PALD1: variants seen among roughly 807,000 people sequenced by gnomAD.
PALD1 encodes paladin.
Under a neutral mutation model 96.0 loss-of-function variants are expected in PALD1, and 57 were observed. That is an observed-to-expected ratio of 0.59 (90% CI 0.48 to 0.74). The LOEUF (loss-of-function observed/expected upper bound fraction) is 0.74, where lower values mean the gene tolerates loss of function less well. PALD1 is among the 30% of genes least tolerant of loss of function. PALD1 has a pLI of 0.00. For synonymous variants in PALD1, 464 were observed against 473.6 expected, an observed-to-expected ratio of 0.98 and a Z score of 0.26; for missense variants, 1,063 against 1,143.7, an observed-to-expected ratio of 0.93 and a Z score of 1.02.
intron 1 of PALD1, among the ~76,000 whole-genome samples, chr10:70,489,004 C>T (rs756580258): frequency 3.9e-5 from 6 of 152,052 alleles, no homozygotes; most frequent in Non-Finnish European, 8.8e-5. Context: ...ACTTGGCTGC[C>T]GCTGGTGGGG....
chr10:70,555,122 C>G (rs1345077433), intron 18 of PALD1, among the ~76,000 whole-genome samples: 1 of 146,896 alleles, frequency 6.8e-6, no homozygotes, highest in Non-Finnish European at 1.5e-5. Context: ...CAGGTGCCTG[C>G]CACCACCACT....
At chr10:70,515,510 G>A (rs1846602802) in intron 1 of PALD1, among the ~76,000 whole-genome samples, 1 of 152,252 alleles carries the variant, frequency 6.6e-6, no homozygotes, top group Non-Finnish European at 1.5e-5. Context: ...TGGCGCCTGG[G>A]CGAGGCCCCT....
intron 1 of PALD1, among the ~76,000 whole-genome samples, chr10:70,493,395 G>A (rs544231613): frequency 1.3e-5 from 2 of 152,360 alleles, no homozygotes; most frequent in East Asian, 1.9e-4. Flanking sequence ...TGGGCTCTGC[G>A]GACAGTGATG....
chr10:70,478,633 C>T (rs1277590348), upstream of PALD1, among the ~76,000 whole-genome samples: 3 of 152,174 alleles, frequency 2.0e-5, no homozygotes, highest in Admixed American at 1.3e-4. Context: ...GCCCGCGTTC[C>T]TCCCGCCCGG....
At chr10:70,502,097 G>A (rs1846310946) in intron 1 of PALD1, among the ~76,000 whole-genome samples, 1 of 150,000 alleles carries the variant, frequency 6.7e-6, no homozygotes, top group African/African-American at 2.5e-5. Context: ...CCAGGAGTTC[G>A]AGACCAACCT....
At chr10:70,477,591 A>G (rs775270823), upstream of PALD1, among the ~76,000 whole-genome samples, 12 of 152,218 alleles carry the variant, frequency 7.9e-5, no homozygotes, top group Non-Finnish European at 1.8e-4. Context: ...TACCGACCTT[A>G]TAACTTCGCG....
intron 1 of PALD1, among the ~76,000 whole-genome samples, chr10:70,513,488 C>T (rs1039192539): frequency 2.0e-5 from 3 of 151,984 alleles, no homozygotes; most frequent in Admixed American, 1.3e-4. Flanking sequence ...CCAGCCTGGG[C>T]GACACAGTGA....
intron 1 of PALD1, among the ~76,000 whole-genome samples, chr10:70,521,723 G>A (rs1846740161): frequency 1.3e-5 from 2 of 151,744 alleles, no homozygotes; most frequent in Non-Finnish European, 2.9e-5. Flanking sequence ...TAGTAGAGAC[G>A]GGGTTTCACC....
the PALD1 span, among the ~76,000 whole-genome samples, chr10:70,464,212 C>CTTT: frequency 9.4e-3 from 1,251 of 132,824 alleles, 33 homozygotes; most frequent in Non-Finnish European, 0.014. Flanking sequence ...TTGTATCTGG[C>CTTT]TTTTTTTTTT....
rs201422138 is a variant in PALD1, at chr10:70,529,220, C to G, written c.186-9C>G. On this transcript the variant is annotated splice_polypyrimidine_tract_variant and intron_variant, in intron 2 of 19. Coordinates refer to ENST00000263563, the MANE Select transcript of PALD1 (RefSeq NM_014431.3). ...CAGTTTCCATTCTGCCCCCCCCCCC[C>G]CCCCCCAGGTACAACTGCAAGGAGG... is the stretch of plus-strand genomic sequence containing the variant. 4 of 415,076 alleles carry G rather than the reference C, an allele frequency of 9.6e-6. No individual in the cohort carries two copies. Among genetic ancestry groups the G allele is most frequent in the East Asian group, 7.7e-5 (1 of 12,986 alleles). 25.7% of individuals were successfully genotyped at this position (415,076 alleles called of 1,614,324 possible). A position where few individuals can be genotyped will look rare whatever the true frequency, so the allele number is the denominator to read the frequency against.
intron 1 of PALD1, among the ~76,000 whole-genome samples, chr10:70,481,215 A>AAC: frequency 6.6e-6 from 1 of 152,214 alleles, no homozygotes; most frequent in African/African-American, 2.4e-5. Context: ...CCTGGGGGGC[A>AAC]CAGACACATA....
intron 18 of PALD1, among the ~76,000 whole-genome samples, chr10:70,548,025 G>A (rs1419279694): frequency 6.9e-6 from 1 of 145,448 alleles, no homozygotes; most frequent in African/African-American, 2.5e-5. Context: ...TAAAGTTTTG[G>A]CCAGGTGCAG....
chr10:70,537,914 C>T lies in PALD1; in HGVS notation c.1323+8C>T. On this transcript the variant is annotated splice_region_variant and intron_variant, in intron 11 of 19. Coordinates refer to ENST00000263563, the MANE Select transcript of PALD1 (RefSeq NM_014431.3). ...TACTACCTTCATGAGCAGGTGGGGC[C>T]TGGGAGGAGCAGACCCACGTCCCCT... The T allele has an allele frequency of 6.3e-7, 1 of 1,582,936 alleles. No homozygotes were observed.
upstream of PALD1, among the ~76,000 whole-genome samples, chr10:70,477,154 C>T (rs1845839150): frequency 6.6e-6 from 1 of 152,158 alleles, no homozygotes; most frequent in Non-Finnish European, 1.5e-5. Flanking sequence ...TGGCAGGCTT[C>T]AGCTGGGGAG....
intron 18 of PALD1, among the ~76,000 whole-genome samples, chr10:70,554,502 C>T (rs912239444): frequency 7.2e-5 from 11 of 152,266 alleles, no homozygotes; most frequent in African/African-American, 2.2e-4. Context: ...AAGCCACTTC[C>T]AGCGCTTTGG....
In PALD1 at chr10:70,538,958, C is replaced by T. The variant is rs771483890; in HGVS notation, c.1519C>T (p.Arg507Trp). The change falls in exon 13 of 20, where the codon CGG (arginine) becomes TGG (tryptophan). Residue 507 changes from arginine to tryptophan, a missense_variant. By Grantham distance (101) the Arg-to-Trp change is moderately radical. Coordinates refer to ENST00000263563, the MANE Select transcript of PALD1 (RefSeq NM_014431.3). ...CAGAGAGATGGATGTGGCCAACTTC[C>T]GGCGGGTGCCCCGCATGCCCATCTA... ...TVREMDVANF[R>W]RVPRMPIYGT... 6 of 1,613,754 alleles carry T rather than the reference C, an allele frequency of 3.7e-6. No individual in the cohort carries two copies. Among genetic ancestry groups the T allele is most frequent in the Middle Eastern group, 1.6e-4 (1 of 6,084 alleles).
upstream of PALD1, among the ~76,000 whole-genome samples, chr10:70,475,363 G>A (rs145667652): frequency 0.014 from 2,152 of 152,250 alleles, 31 homozygotes; most frequent in Middle Eastern, 0.02. Context: ...GGATTCAGGC[G>A]TCACGGATGA....
chr10:70,461,307 C>G, the PALD1 span, among the ~76,000 whole-genome samples: 2 of 152,314 alleles, frequency 1.3e-5, no homozygotes, highest in South Asian at 4.1e-4. Context: ...AGGCCTTCCC[C>G]ACGAACCCCT....
chr10:70,532,827 C>A, intron 6 of PALD1, 46 bp downstream of exon 6: 1 of 1,600,452 alleles, frequency 6.2e-7, no homozygotes, highest in African/African-American at 1.3e-5. Flanking sequence ...GCTCCAGGTC[C>A]TGCTCTCCAG....
Sources: gnomAD v4.1 joint callset for allele counts (sites outside exome capture counted in the v4.1 genomes callset) on GRCh38, gnomAD v4.1.1 for gene constraint, MANE v1.5 for transcripts, NCBI Gene and HGNC (gene_info 2026-07-23, HGNC 2026-07-21) for gene names.